PLCB1: variants seen among roughly 807,000 people sequenced by gnomAD.
PLCB1 encodes 1-phosphatidylinositol 4,5-bisphosphate phosphodiesterase beta-1.
A neutral mutation model predicts 161.8 loss-of-function variants in PLCB1; 46 were observed. That is an observed-to-expected ratio of 0.28 (90% CI 0.22 to 0.36). The LOEUF (loss-of-function observed/expected upper bound fraction) is 0.36. PLCB1 is among the 10% of genes least tolerant of loss of function. PLCB1 has a pLI of 1.00. For missense variants in PLCB1, 1,016 were observed against 1,472.5 expected (o/e 0.69, Z 5.07); for synonymous variants, 517 against 503.7 (o/e 1.03, Z -0.35).
intron 23 of PLCB1, among the ~76,000 whole-genome samples, chr20:8,756,184 G>A (rs997335034): frequency 3.9e-5 from 6 of 152,076 alleles, no homozygotes; most frequent in African/African-American, 1.4e-4. Context: ...TTTACTCTGT[G>A]CCAGAAACAA....
At chr20:8,415,986 T>C (rs893922598) in intron 3 of PLCB1, among the ~76,000 whole-genome samples, 1 of 152,246 alleles carries the variant, frequency 6.6e-6, no homozygotes, top group African/African-American at 2.4e-5. Flanking sequence ...AGTATTCTTC[T>C]GCAGCTTTCC....
chr20:8,442,659 TC>T (rs1980613716), intron 3 of PLCB1, among the ~76,000 whole-genome samples: 2 of 152,198 alleles, frequency 1.3e-5, no homozygotes. Context: ...AAAATTATCA[TC>T]TTTTGAAGGT....
rs577814928 is a variant in PLCB1 at position 8,840,962 on chromosome 20, G to A, written c.3424-40660G>A. Among the ~76,000 whole-genome samples, 58 of 152,158 alleles carry A rather than the reference G, an allele frequency of 3.8e-4. 1 individual carries two copies. The highest frequency in any genetic ancestry group is 7.5e-4 in the Non-Finnish European group (51 of 68,014). On this transcript the variant is annotated intron_variant, in intron 31 of 31. Transcript: ENST00000338037. Reference sequence around the variant, plus strand: ...CTCCGGAGTAGCTGGGATTACAGGTGCCTGCCACCACACCCAACCAAAATA... The same window carrying A: ...CTCCGGAGTAGCTGGGATTACAGGTACCTGCCACCACACCCAACCAAAATA...
At chr20:8,719,612 T>C (rs1979516289) in intron 14 of PLCB1, among the ~76,000 whole-genome samples, 2 of 152,166 alleles carry the variant, frequency 1.3e-5, no homozygotes, top group African/African-American at 4.8e-5. Flanking sequence ...AACTAATTTA[T>C]GCTATTTATT....
chr20:8,220,609 C>T (rs1316494932), intron 2 of PLCB1, among the ~76,000 whole-genome samples: 1 of 152,114 alleles, frequency 6.6e-6, no homozygotes, highest in African/African-American at 2.4e-5. Context: ...CAGGGAATGC[C>T]AAGGACTGCC....
chr20:8,566,498 G>C (rs908094677), intron 3 of PLCB1, among the ~76,000 whole-genome samples: 1 of 152,150 alleles, frequency 6.6e-6, no homozygotes, highest in African/African-American at 2.4e-5. Context: ...ATATGAATGA[G>C]AGGATGATCA....
rs146870773 is a variant in PLCB1 at position 8,160,560 on chromosome 20, C to T, written c.177+10189C>T. On this transcript the variant is annotated intron_variant, in intron 2 of 31. Coordinates refer to ENST00000338037, the MANE Select transcript of PLCB1 (RefSeq NM_015192.4). ...GTCAGCCAAGAGAAAAGGGCTTCTA[C>T]GGGAAACTCCCATTTTTAAAACCAT... Among the ~76,000 whole-genome samples, 119 of 152,254 alleles carry T rather than the reference C, an allele frequency of 7.8e-4. 2 individuals are homozygous for T. In the East Asian group the frequency reaches 0.021, roughly 27 times the overall value.
intron 3 of PLCB1, among the ~76,000 whole-genome samples, chr20:8,580,488 C>T (rs1986800864): frequency 6.6e-6 from 1 of 152,142 alleles, no homozygotes; most frequent in Admixed American, 6.5e-5. Context: ...CAATGATCAA[C>T]ATTGATTGAT....
chr20:8,796,442 G>T (rs556713507), intron 31 of PLCB1, among the ~76,000 whole-genome samples: 1 of 152,296 alleles, frequency 6.6e-6, no homozygotes, highest in African/African-American at 2.4e-5. Context: ...TAATGCATTT[G>T]TGCCTCCTCT....
chr20:8,699,702 G>A (rs2123432343), intron 11 of PLCB1, among the ~76,000 whole-genome samples: 1 of 152,280 alleles, frequency 6.6e-6, no homozygotes, highest in South Asian at 2.1e-4. Flanking sequence ...TGAAGTTGCT[G>A]TATTAGACAA....
intron 27 of PLCB1, among the ~76,000 whole-genome samples, chr20:8,776,464 C>T (rs1438844880): frequency 6.6e-6 from 1 of 152,166 alleles, no homozygotes; most frequent in South Asian, 2.1e-4. Context: ...AGAGAGCACA[C>T]AGCAAACTTC....
chr20:8,567,702 C>T (rs1186519091), intron 3 of PLCB1, among the ~76,000 whole-genome samples: 3 of 152,070 alleles, frequency 2.0e-5, no homozygotes, highest in Non-Finnish European at 4.4e-5. Flanking sequence ...CCACTGCACT[C>T]TAGCCTGGGC....
chr20:8,694,835 G>A (rs1325999225), intron 10 of PLCB1, among the ~76,000 whole-genome samples: 2 of 152,146 alleles, frequency 1.3e-5, no homozygotes, highest in Non-Finnish European at 2.9e-5. Context: ...TAATACCGGT[G>A]CAATTTTCTG....
chr20:8,175,528 A>G (rs2051773942), intron 2 of PLCB1, among the ~76,000 whole-genome samples: 1 of 152,180 alleles, frequency 6.6e-6, no homozygotes, highest in South Asian at 2.1e-4. Flanking sequence ...ATGAATTCAA[A>G]TAGATCCTAG....
intron 1 of PLCB1, among the ~76,000 whole-genome samples, chr20:8,144,905 T>C (rs951839260): frequency 6.6e-6 from 1 of 152,154 alleles, no homozygotes; most frequent in African/African-American, 2.4e-5. Context: ...TGTAATACCA[T>C]AAAAACATGA....
intron 2 of PLCB1, among the ~76,000 whole-genome samples, chr20:8,367,650 A>G (rs1986755973): frequency 6.6e-6 from 1 of 152,244 alleles, no homozygotes; most frequent in Non-Finnish European, 1.5e-5. Flanking sequence ...AGAAAGGAGT[A>G]AAGAAATAAT....
intron 2 of PLCB1, among the ~76,000 whole-genome samples, chr20:8,268,563 A>G (rs1982102454): frequency 6.6e-6 from 1 of 152,202 alleles, no homozygotes; most frequent in East Asian, 1.9e-4. Context: ...CAATGGTTGA[A>G]CTAATTTACA....
At chr20:8,454,152 C>T (rs1981195408) in intron 3 of PLCB1, among the ~76,000 whole-genome samples, 1 of 152,126 alleles carries the variant, frequency 6.6e-6, no homozygotes, top group South Asian at 2.1e-4. Flanking sequence ...GTTGTTTAAG[C>T]CATCCAGTCT....
At chr20:8,373,119 C>A (rs1298031574) in intron 3 of PLCB1, among the ~76,000 whole-genome samples, 1 of 152,212 alleles carries the variant, frequency 6.6e-6, no homozygotes, top group Non-Finnish European at 1.5e-5. Context: ...GTTAGATCCT[C>A]AAATGCTTCT....
Sources: gnomAD v4.1 joint callset for allele counts (sites outside exome capture counted in the v4.1 genomes callset) on GRCh38, gnomAD v4.1.1 for gene constraint, MANE v1.5 for transcripts, NCBI Gene and HGNC (gene_info 2026-07-23, HGNC 2026-07-21) for gene names.